The following RBM26 variants were observed in gnomAD, a reference collection of about 807,000 sequenced individuals.
The protein encoded by RBM26 is RNA binding motif protein 26, also known as RNA-binding protein 26.
A neutral mutation model predicts 123.6 loss-of-function variants in RBM26; 30 were observed. The ratio of observed to expected loss-of-function variants is 0.24; its 90% CI spans 0.18 to 0.33. RBM26 has a LOEUF of 0.33. Ranked by LOEUF, RBM26 falls within the 10% of genes least tolerant of loss-of-function variation. RBM26 has a pLI of 1.00. For missense variants in RBM26, 947 were observed against 1,203.6 expected, an observed-to-expected ratio of 0.79 and a Z score of 3.15; for synonymous variants, 400 against 404.4, an observed-to-expected ratio of 0.99 and a Z score of 0.13.
At position 79,392,197 on chromosome 13, in the gene RBM26, A is replaced by G. The variant is rs1274219885; in HGVS notation, c.72-13290T>C. On this transcript the variant is annotated intron_variant, in intron 1 of 21. Coordinates refer to ENST00000438737, the MANE Select transcript of RBM26 (RefSeq NM_001366735.2). ...AATAATACATAATTATTATATAATT[A>G]TATATTATACAATAATACATAATTA... 7.3e-5 allele frequency among the ~76,000 whole-genome samples: 7 copies of G among 95,254 alleles called. 1 individual carries two copies. The highest frequency in any genetic ancestry group is 4.2e-5 in the Non-Finnish European group (2 of 48,010). 62.5% of individuals were successfully genotyped at this position (95,254 alleles called of 152,430 possible). A position where few individuals can be genotyped will look rare whatever the true frequency, so the allele number is the denominator to read the frequency against.
At position 79,318,941 on chromosome 13, in the gene RBM26, G is replaced by GA; in HGVS notation, c.*1679dup. On this transcript the variant is annotated 3_prime_UTR_variant, in exon 22 of 22. Transcript: ENST00000438737. Reference sequence around the variant, plus strand: ...AGAATAGCACATAGTCAACATACAAGAGACTACATAAAAATAGATCTTTGA... The same window carrying GA: ...AGAATAGCACATAGTCAACATACAAGAAGACTACATAAAAATAGATCTTTGA... The GA allele has an allele frequency of 1.0e-6, 1 of 974,530 alleles. No homozygotes were observed. The highest frequency in any genetic ancestry group is 1.2e-6 in the Non-Finnish European group (1 of 820,252). 60.4% of individuals were successfully genotyped at this position (974,530 alleles called of 1,614,324 possible). A position where few individuals can be genotyped will look rare whatever the true frequency, so the allele number is the denominator to read the frequency against.
downstream of RBM26, among the ~76,000 whole-genome samples, chr13:79,318,612 A>G (rs1371852991): frequency 1.3e-5 from 2 of 151,498 alleles, no homozygotes; most frequent in African/African-American, 4.8e-5. Flanking sequence ...ATTCATTCAA[A>G]GCAACATGGC....
chr13:79,350,157 A>T (rs1025121538), intron 14 of RBM26, among the ~76,000 whole-genome samples: 2 of 152,220 alleles, frequency 1.3e-5, no homozygotes, highest in African/African-American at 4.8e-5. Flanking sequence ...ATTATACCAC[A>T]CAATTTTCCT....
intron 20 of RBM26, among the ~76,000 whole-genome samples, chr13:79,329,440 C>T (rs1004111258): frequency 6.6e-6 from 1 of 151,704 alleles, no homozygotes; most frequent in Non-Finnish European, 1.5e-5. Flanking sequence ...AGTACCCAAA[C>T]TGTAGTGTCT....
At chr13:79,373,489 TAA>T in intron 3 of RBM26, among the ~76,000 whole-genome samples, 1 of 57,688 alleles carries the variant, frequency 1.7e-5, no homozygotes, top group African/African-American at 7.6e-5. Context: ...CAAATATATA[TAA>T]TATGTATAAA....
At chr13:79,345,723 T>A (rs906753331) in intron 14 of RBM26, among the ~76,000 whole-genome samples, 5 of 152,170 alleles carry the variant, frequency 3.3e-5, no homozygotes, top group Non-Finnish European at 7.3e-5. Flanking sequence ...GCTTGTTTTT[T>A]AACTTGGTTC....
At chr13:79,391,192 TCA>T (rs2077945248) in intron 1 of RBM26, among the ~76,000 whole-genome samples, 1 of 152,218 alleles carries the variant, frequency 6.6e-6, no homozygotes, top group Non-Finnish European at 1.5e-5. Context: ...TCGTGGTAAG[TCA>T]CAGTATGATT....
At chr13:79,353,961 C>G (rs191121890) in intron 13 of RBM26, among the ~76,000 whole-genome samples, 3 of 152,262 alleles carry the variant, frequency 2.0e-5, no homozygotes, top group African/African-American at 7.2e-5. Flanking sequence ...TATGAGAGAG[C>G]AGTCTAAGTA....
At chr13:79,384,033 G>C (rs879822712) in intron 1 of RBM26, among the ~76,000 whole-genome samples, 1 of 152,166 alleles carries the variant, frequency 6.6e-6, no homozygotes, top group Non-Finnish European at 1.5e-5. Context: ...TGAGGGACAG[G>C]AGTCCAGTGA....
chr13:79,378,501 G>A (rs1566532957), intron 2 of RBM26, among the ~76,000 whole-genome samples: 1 of 152,066 alleles, frequency 6.6e-6, no homozygotes, highest in Non-Finnish European at 1.5e-5. Context: ...GTGCAGTAGC[G>A]CGATCTCAGC....
intron 9 of RBM26, among the ~76,000 whole-genome samples, chr13:79,361,955 C>T (rs1285558026): frequency 6.6e-6 from 1 of 152,060 alleles, no homozygotes; most frequent in East Asian, 1.9e-4. Context: ...TAAGTCAGAC[C>T]TACAGATTTT....
chr13:79,343,781 GTAC>G (rs1160788037), intron 16 of RBM26, among the ~76,000 whole-genome samples: 7 of 151,570 alleles, frequency 4.6e-5, no homozygotes, highest in South Asian at 4.2e-4. Context: ...TTTTTTCTTT[GTAC>G]TACATTTTGA....
At chr13:79,360,929 A>C (rs2074603529) in intron 9 of RBM26, among the ~76,000 whole-genome samples, 1 of 152,136 alleles carries the variant, frequency 6.6e-6, no homozygotes, top group African/African-American at 2.4e-5. Context: ...TGATTTGTCT[A>C]AAATCCTATT....
chr13:79,352,288 A>G (rs1414902494), intron 14 of RBM26, among the ~76,000 whole-genome samples: 1 of 152,170 alleles, frequency 6.6e-6, no homozygotes, highest in Non-Finnish European at 1.5e-5. Flanking sequence ...TAAAAATAGG[A>G]GCCCCAAATT....
intron 20 of RBM26, among the ~76,000 whole-genome samples, chr13:79,331,064 A>AG (rs1460736464): frequency 6.6e-6 from 1 of 151,556 alleles, no homozygotes; most frequent in East Asian, 2.0e-4. Flanking sequence ...AGGCTGAAGC[A>AG]CAGTGGCATG....
At chr13:79,373,405 AT>A in intron 3 of RBM26, among the ~76,000 whole-genome samples, 1 of 43,732 alleles carries the variant, frequency 2.3e-5, no homozygotes, top group Non-Finnish European at 3.8e-5. Flanking sequence ...AATATATATT[AT>A]ATACTATATA....
exon 5 of RBM26, chr13:79,313,738 G>A (rs547610518): frequency 2.0e-5 from 3 of 151,816 alleles, no homozygotes; most frequent in Non-Finnish European, 3.0e-5. Context: ...TAACCATGCT[G>A]TATCCAACCA....
At chr13:79,334,733 C>G (rs2070032474) in intron 19 of RBM26, among the ~76,000 whole-genome samples, 1 of 152,100 alleles carries the variant, frequency 6.6e-6, no homozygotes, top group Non-Finnish European at 1.5e-5. Flanking sequence ...TGCTAACTAA[C>G]TTTCCTCTTA....
At chr13:79,344,630 A>G in intron 15 of RBM26, 39 bp downstream of exon 15, 1 of 1,572,480 alleles carries the variant, frequency 6.4e-7, no homozygotes, top group African/African-American at 1.4e-5. Flanking sequence ...AAGCTTTCCT[A>G]TATGCAAAAA....
Sources: allele counts gnomAD v4.1 joint callset (sites outside exome capture counted in the v4.1 genomes callset), GRCh38; gene constraint gnomAD v4.1.1; transcripts MANE v1.5; gene names NCBI Gene and HGNC (gene_info 2026-07-23, HGNC 2026-07-21).